Variants in NEK11 observed in about 807,000 individuals in gnomAD.
NEK11 encodes serine/threonine-protein kinase Nek11.
A neutral mutation model predicts 80.7 loss-of-function variants in NEK11; 72 were observed. The observed-to-expected ratio is 0.89, with a 90% CI of 0.74 to 1.08. The LOEUF (loss-of-function observed/expected upper bound fraction) is 1.08, where lower values mean the gene tolerates loss of function less well. Among genes scored for constraint, NEK11 ranks in the 50% least tolerant of loss-of-function variants. The pLI is 0.00. For missense variants in NEK11, 764 were observed against 763.6 expected (o/e 1.00, Z -0.01); for synonymous variants, 251 against 260.7 (o/e 0.96, Z 0.36).
At chr3:131,071,706 T>C (rs1323536977) in intron 3 of NEK11, among the ~76,000 whole-genome samples, 1 of 152,118 alleles carries the variant, frequency 6.6e-6, no homozygotes, top group East Asian at 1.9e-4. Context: ...TTTTTAGTCA[T>C]TTGTCCCCCA....
intron 3 of NEK11, among the ~76,000 whole-genome samples, chr3:131,049,461 C>T (rs2067980365): frequency 6.6e-6 from 1 of 152,128 alleles, no homozygotes; most frequent in African/African-American, 2.4e-5. Flanking sequence ...TCACTCTATA[C>T]GTCATTTATT....
At chr3:131,182,555 A>G (rs1299483499) in intron 14 of NEK11, among the ~76,000 whole-genome samples, 1 of 152,196 alleles carries the variant, frequency 6.6e-6, no homozygotes, top group South Asian at 2.1e-4. Context: ...TGTAGTATAA[A>G]CATACCTACC....
In NEK11 at chr3:131,154,442, A is replaced by G. The variant is rs1329053145; in HGVS notation, c.877-594A>G. Reference sequence around the variant, plus strand: ...ATTAATGCTTAAAATCCCAGGTAACAAGATATTAACACTTTAAAGACAGAA... The same window carrying G: ...ATTAATGCTTAAAATCCCAGGTAACGAGATATTAACACTTTAAAGACAGAA... On this transcript the variant is annotated intron_variant, in intron 9 of 17. Coordinates refer to ENST00000383366, the MANE Select transcript of NEK11 (RefSeq NM_024800.5). 2.6e-5 allele frequency among the ~76,000 whole-genome samples: 4 copies of G among 152,300 alleles called. No individual in the cohort carries two copies. In the East Asian group the frequency reaches 7.7e-4, roughly 29 times the overall value.
intron 17 of NEK11, among the ~76,000 whole-genome samples, chr3:131,334,788 T>C (rs1204445574): frequency 6.6e-6 from 1 of 152,034 alleles, no homozygotes; most frequent in East Asian, 1.9e-4. Flanking sequence ...AAAGGGGATA[T>C]CACCACTGAT....
intron 16 of NEK11, among the ~76,000 whole-genome samples, chr3:131,248,942 T>G (rs577875472): frequency 5.3e-5 from 8 of 152,182 alleles, no homozygotes; most frequent in African/African-American, 1.9e-4. Flanking sequence ...AAAGATAGAT[T>G]CCACTGCTAA....
chr3:131,046,378 T>A (rs1468758078), intron 3 of NEK11, among the ~76,000 whole-genome samples: 1 of 152,224 alleles, frequency 6.6e-6, no homozygotes, highest in Non-Finnish European at 1.5e-5. Flanking sequence ...TTAGTTTCAC[T>A]GAATACAAAA....
chr3:131,058,136 T>C, intron 3 of NEK11, among the ~76,000 whole-genome samples: 1 of 152,126 alleles, frequency 6.6e-6, no homozygotes, highest in East Asian at 1.9e-4. Flanking sequence ...CACCATTTAT[T>C]AAATAGGGAA....
chr3:131,269,328 CT>C (rs2096129802), intron 16 of NEK11, among the ~76,000 whole-genome samples: 1 of 152,230 alleles, frequency 6.6e-6, no homozygotes, highest in South Asian at 2.1e-4. Flanking sequence ...AAAACAACTC[CT>C]GCAGCTAGCT....
chr3:131,262,779 C>T (rs758120036), intron 16 of NEK11, among the ~76,000 whole-genome samples: 3 of 152,152 alleles, frequency 2.0e-5, no homozygotes, highest in Non-Finnish European at 4.4e-5. Flanking sequence ...CCGTCATCTA[C>T]ATTAGGTATT....
chr3:131,041,605 A>AT (rs1176662841), intron 3 of NEK11, among the ~76,000 whole-genome samples: 4 of 152,046 alleles, frequency 2.6e-5, no homozygotes, highest in Non-Finnish European at 5.9e-5. Flanking sequence ...ATGTGTATGC[A>AT]TTTTTTAATT....
chr3:131,064,507 G>A (rs932119336), intron 3 of NEK11, among the ~76,000 whole-genome samples: 7 of 152,026 alleles, frequency 4.6e-5, no homozygotes, highest in East Asian at 1.9e-4. Context: ...TAACTTAATC[G>A]ACTCTTTCAA....
At chr3:131,137,308 C>T (rs2085793135) in intron 7 of NEK11, among the ~76,000 whole-genome samples, 1 of 152,138 alleles carries the variant, frequency 6.6e-6, no homozygotes, top group Non-Finnish European at 1.5e-5. Flanking sequence ...AAAGTATCCT[C>T]ATGGAAGAAC....
chr3:131,219,758 A>T (rs2094958466), intron 14 of NEK11, among the ~76,000 whole-genome samples: 1 of 152,098 alleles, frequency 6.6e-6, no homozygotes, highest in African/African-American at 2.4e-5. Context: ...AATCTGTGGT[A>T]TCTTCTCATT....
intron 10 of NEK11, 76 bp from the exon 11 acceptor site, chr3:131,162,332 T>C (rs1245621258): frequency 1.3e-6 from 2 of 1,555,580 alleles, no homozygotes; most frequent in African/African-American, 2.8e-5. Context: ...GTAGTGATAC[T>C]TTTATAAAAT....
intron 3 of NEK11, among the ~76,000 whole-genome samples, chr3:131,061,384 G>A (rs1020168318): frequency 5.9e-5 from 9 of 151,990 alleles, no homozygotes; most frequent in Admixed American, 4.6e-4. Flanking sequence ...TAGAATGTAG[G>A]GCAGGTAGGG....
intron 17 of NEK11, among the ~76,000 whole-genome samples, chr3:131,292,431 T>A (rs2109000824): frequency 6.6e-6 from 1 of 152,330 alleles, no homozygotes; most frequent in South Asian, 2.1e-4. Context: ...TTGGAATCTG[T>A]TTGTCAACAT....
chr3:131,052,447 C>T (rs955403823), intron 3 of NEK11, among the ~76,000 whole-genome samples: 25 of 152,166 alleles, frequency 1.6e-4, no homozygotes, highest in African/African-American at 5.3e-4. Flanking sequence ...TTAGCAGTCT[C>T]ATTCCAGGGG....
chr3:131,340,981 A>G (rs935372093), intron 17 of NEK11, among the ~76,000 whole-genome samples: 1 of 152,236 alleles, frequency 6.6e-6, no homozygotes, highest in South Asian at 2.1e-4. Context: ...CCAGCTAACT[A>G]AAGGAATAGT....
intron 4 of NEK11, among the ~76,000 whole-genome samples, chr3:131,094,524 A>G (rs1458711522): frequency 6.6e-6 from 1 of 152,162 alleles, no homozygotes; most frequent in African/African-American, 2.4e-5. Flanking sequence ...GCCTAATACC[A>G]TTGTGTTTGT....
Sources: allele counts gnomAD v4.1 joint callset (sites outside exome capture counted in the v4.1 genomes callset), GRCh38; gene constraint gnomAD v4.1.1; transcripts MANE v1.5; gene names NCBI Gene and HGNC (gene_info 2026-07-23, HGNC 2026-07-21).